Variants in FAM9A observed in about 807,000 individuals in gnomAD.
FAM9A encodes the protein family with sequence similarity 9 member A, also known as protein FAM9A.
Under a neutral mutation model 25.0 loss-of-function variants are expected in FAM9A, and 49 were observed. That is an observed-to-expected ratio of 1.96 (90% CI 1.56 to 2.48). The LOEUF (loss-of-function observed/expected upper bound fraction) is 2.48, where lower values mean the gene tolerates loss of function less well. FAM9A is among the 30% of genes most tolerant of loss of function. The pLI, the probability that FAM9A is intolerant of heterozygous loss-of-function variation, is 0.00. For missense variants in FAM9A, 266 were observed against 249.3 expected, an observed-to-expected ratio of 1.07 and a Z score of -0.45; for synonymous variants, 80 against 85.1, an observed-to-expected ratio of 0.94 and a Z score of 0.33.
chrX:8,799,240 T>C (rs1363352091), intron 2 of FAM9A, 146 bp from the exon 3 acceptor site: 2 of 824,737 alleles, frequency 2.4e-6, no homozygotes, highest in East Asian at 7.0e-5. Flanking sequence ...AAGATGCCAG[T>C]GTCCCCTCCT....
rs1569103203 is a variant in FAM9A at position 8,791,329 on chromosome X, T to G, written c.981A>C (p.Glu327Asp). 1 of 1,207,920 alleles carries G rather than the reference T, an allele frequency of 8.3e-7. No individual in the cohort carries two copies. Among genetic ancestry groups the G allele is most frequent in the East Asian group, 3.0e-5 (1 of 33,773 alleles). Residue 327 changes from glutamate (E) to aspartate (D), a missense_variant, in exon 9 of 10, where the codon GAA becomes GAC. Physicochemically the swap from Glu to Asp is conservative, Grantham distance 45 (BLOSUM62 2). Transcript: ENST00000381003. ...AACACGGCTAGTTATCAAGTTCACT[T>G]TCTTCACTGGAAGAAATGATGCAAT... is the stretch of plus-strand genomic sequence containing the variant. ...DNYCIISSSE[E>D]SELDN is the part of the protein sequence containing the mutation.
At chrX:8,796,454 G>T in intron 5 of FAM9A, 72 bp from the exon 6 acceptor site, 1 of 637,805 alleles carries the variant, frequency 1.6e-6, no homozygotes, top group Non-Finnish European at 2.5e-6. Flanking sequence ...TGAAATCAAC[G>T]TGAGATATGA....
Position 8,791,272 on chromosome X carries a change from C to G in FAM9A, c.*31+8G>C. On this transcript the variant is annotated splice_region_variant and intron_variant, in intron 9 of 9. Coordinates refer to ENST00000381003, the MANE Select transcript of FAM9A (RefSeq NM_174951.3). ...CTGAGTTTTTAAACTTAAATATGCACTACTTACAGTTCTGACACGATTCTT... is the reference window on the plus strand; with the variant it reads ...CTGAGTTTTTAAACTTAAATATGCAGTACTTACAGTTCTGACACGATTCTT... 9.0e-7 allele frequency: 1 copy of G among 1,106,367 alleles called. No homozygotes were observed. The highest frequency in any genetic ancestry group is 2.1e-5 in the South Asian group (1 of 48,509). The allele number at this position is 1,106,367 out of a possible 1,213,427, so 91.2% of individuals were successfully genotyped here. A position where few individuals can be genotyped will look rare whatever the true frequency, so the allele number is the denominator to read the frequency against.
intron 1 of FAM9A, among the ~76,000 whole-genome samples, chrX:8,800,418 C>T (rs1307649618): frequency 3.2e-4 from 36 of 110,810 alleles, no homozygotes; most frequent in African/African-American, 1.2e-3. Flanking sequence ...GAACTCACAG[C>T]TGCCTCGCAC....
chrX:8,795,320 C>A lies in FAM9A; in HGVS notation c.589G>T (p.Ala197Ser), dbSNP rs760720740. 2.5e-6 allele frequency: 3 copies of A among 1,204,633 alleles called. No individual in the cohort carries two copies. The highest frequency in any genetic ancestry group is 3.0e-5 in the East Asian group (1 of 33,695). Residue 197 changes from alanine (A) to serine (S), a missense_variant, in exon 7 of 10, where the codon GCA becomes TCA. Physicochemically the swap from Ala to Ser is moderately conservative, Grantham distance 99. Coordinates refer to ENST00000381003, the MANE Select transcript of FAM9A (RefSeq NM_174951.3). Reference protein sequence around the residue: ...KDDEAEEAEAAAAAAEAAAAA... With the variant: ...KDDEAEEAEASAAAAEAAAAA... ...GCTGCGGCTTCTGCTGCTGCTGCTG[C>A]GGCTTCTGCTTCTTCTGCTTCATCA...
At chrX:8,796,090 A>G (rs184327277) in intron 6 of FAM9A, among the ~76,000 whole-genome samples, 178 bp downstream of exon 6, 6 of 111,903 alleles carry the variant, frequency 5.4e-5, no homozygotes, top group Non-Finnish European at 1.1e-4. Flanking sequence ...ATATGCCTCA[A>G]TTCTGTTAAA....
In FAM9A at chrX:8,791,352, A is replaced by C. The variant is rs1378949167; in HGVS notation, c.958T>G (p.Cys320Gly). ...KAAKDTKDNY[C>G]IISSSEESEL... ...CTTTCTTCACTGGAAGAAATGATGCAATAATTGTCTTTAGTGTCCTTGGCA... is the reference window on the plus strand; with the variant it reads ...CTTTCTTCACTGGAAGAAATGATGCCATAATTGTCTTTAGTGTCCTTGGCA... The change falls in exon 9 of 10, where the codon TGC becomes GGC. Residue 320 changes from cysteine to glycine, a missense_variant. Coordinates refer to ENST00000381003, the MANE Select transcript of FAM9A (RefSeq NM_174951.3). 1 of 1,205,201 alleles carries C rather than the reference A, an allele frequency of 8.3e-7. No homozygotes were observed. Among genetic ancestry groups the C allele is most frequent in the African/African-American group, 1.8e-5 (1 of 57,100 alleles).
chrX:8,796,819 T>C (rs1933539692), intron 5 of FAM9A, among the ~76,000 whole-genome samples: 1 of 112,197 alleles, frequency 8.9e-6, no homozygotes, highest in South Asian at 3.7e-4. Flanking sequence ...AATAACTTAG[T>C]ACACAATAAG....
At chrX:8,798,897 G>A in intron 3 of FAM9A, 69 bp downstream of exon 3, 1 of 1,198,758 alleles carries the variant, frequency 8.3e-7, no homozygotes, top group Non-Finnish European at 1.1e-6. Context: ...TGTGCCTCCC[G>A]CGCAAAGAGC....
chrX:8,791,278 A>G lies in FAM9A; in HGVS notation c.*31+2T>C. On this transcript the variant is annotated splice_donor_variant, in intron 9 of 9. Coordinates refer to ENST00000381003, the MANE Select transcript of FAM9A (RefSeq NM_174951.3). LOFTEE classifies it low-confidence loss of function (3UTR_SPLICE). ...TTTTAAACTTAAATATGCACTACTT[A>G]CAGTTCTGACACGATTCTTTTTAAA... 2 of 1,139,266 alleles carry G rather than the reference A, an allele frequency of 1.8e-6. No homozygotes were observed. Among genetic ancestry groups the G allele is most frequent in the Non-Finnish European group, 2.4e-6 (2 of 841,094 alleles). 93.9% of individuals were successfully genotyped at this position (1,139,266 alleles called of 1,213,427 possible).
intron 5 of FAM9A, among the ~76,000 whole-genome samples, chrX:8,797,272 A>G (rs1933544662): frequency 8.9e-6 from 1 of 112,090 alleles, no homozygotes; most frequent in African/African-American, 3.2e-5. Context: ...TTTTAAAAAT[A>G]AGAGTATTGT....
chrX:8,795,957 G>A (rs1933527880), intron 6 of FAM9A, among the ~76,000 whole-genome samples: 2 of 111,701 alleles, frequency 1.8e-5, no homozygotes, highest in South Asian at 3.8e-4. Context: ...CAGACTAAAC[G>A]TTGAAGACAT....
rs749347957 is a variant in FAM9A, at chrX:8,793,764, CA to C, written c.832-9del. 1.7e-6 allele frequency: 2 copies of C among 1,161,181 alleles called. No homozygotes were observed. The highest frequency in any genetic ancestry group is 3.6e-5 in the African/African-American group (2 of 55,961). On this transcript the variant is annotated splice_polypyrimidine_tract_variant and intron_variant, in intron 7 of 9. Transcript: ENST00000381003. The stretch of plus-strand genomic sequence containing the variant: ...TTTTTCTTGAAATGCTTTCTAGAAG[CA>C]CAAAAAAATAGTGATGAAAATTGGG...
intron 8 of FAM9A, 125 bp downstream of exon 8, chrX:8,793,533 A>C (rs1221709638): frequency 6.0e-6 from 3 of 496,110 alleles, no homozygotes; most frequent in Non-Finnish European, 1.0e-5. Context: ...ATTCAAAGTG[A>C]AAATGGTAAG....
chrX:8,795,222 CTCCTCCTTCTCT>C lies in FAM9A; in HGVS notation c.675_686del (p.Lys227_Glu230del), dbSNP rs1933516359. 9.1e-7 allele frequency: 1 copy of C among 1,103,452 alleles called. No individual in the cohort carries two copies. The highest frequency in any genetic ancestry group is 1.8e-5 in the African/African-American group (1 of 54,670). 90.9% of individuals were successfully genotyped at this position (1,103,452 alleles called of 1,213,427 possible). On this transcript the variant is annotated inframe_deletion, in exon 7 of 10. Coordinates refer to ENST00000381003, the MANE Select transcript of FAM9A (RefSeq NM_174951.3). ...CTTCCTCCTCTTCTTTCTCCTCCTCCTCCTCCTTCTCTTCCTCCTCTTCGTCTTCTACTACTA... is the reference window on the plus strand; with the variant it reads ...CTTCCTCCTCTTCTTTCTCCTCCTCCTCCTCCTCTTCGTCTTCTACTACTA...
chrX:8,797,751 T>C (rs1159149606), intron 5 of FAM9A, among the ~76,000 whole-genome samples: 1 of 110,944 alleles, frequency 9.0e-6, no homozygotes, highest in African/African-American at 3.3e-5. Context: ...CAATTATCTA[T>C]ATAACAAACC....
chrX:8,798,909 G>C, intron 3 of FAM9A, 57 bp downstream of exon 3: 1 of 1,207,537 alleles, frequency 8.3e-7, no homozygotes, highest in Non-Finnish European at 1.1e-6. Flanking sequence ...GCAAAGAGCA[G>C]ACAGACCGTC....
Position 8,791,300 on chromosome X carries a change from T to C in FAM9A, c.*11A>G. On this transcript the variant is annotated 3_prime_UTR_variant, in exon 9 of 10. Coordinates refer to ENST00000381003, the MANE Select transcript of FAM9A (RefSeq NM_174951.3). ...CTTACAGTTCTGACACGATTCTTTT[T>C]AAAAACACGGCTAGTTATCAAGTTC... The C allele has an allele frequency of 1.7e-6, 2 of 1,197,787 alleles. No individual in the cohort carries two copies. Among genetic ancestry groups the C allele is most frequent in the Non-Finnish European group, 2.3e-6 (2 of 887,177 alleles).
At chrX:8,796,435 C>T (rs112739311) in intron 5 of FAM9A, 53 bp from the exon 6 acceptor site, 36 of 792,747 alleles carry the variant, frequency 4.5e-5, no homozygotes, top group African/African-American at 1.9e-4. Flanking sequence ...GTGGTTTCTT[C>T]GCATATATTG....
Sources: gnomAD v4.1 joint callset for allele counts (sites outside exome capture counted in the v4.1 genomes callset) on GRCh38, gnomAD v4.1.1 for gene constraint, MANE v1.5 for transcripts, NCBI Gene and HGNC (gene_info 2026-07-23, HGNC 2026-07-21) for gene names.